COL4A4: variants seen among roughly 807,000 people sequenced by gnomAD.
COL4A4 encodes the protein collagen type IV alpha 4 chain.
In COL4A4, 105 loss-of-function variants were observed where a neutral mutation model predicts 192.9. The observed-to-expected ratio is 0.54, with a 90% CI of 0.46 to 0.64. COL4A4 has a LOEUF of 0.64. Among genes scored for constraint, COL4A4 ranks in the 30% least tolerant of loss-of-function variants. COL4A4 has a pLI of 0.00. For missense variants in COL4A4, 1,967 were observed against 2,169.3 expected, an observed-to-expected ratio of 0.91 and a Z score of 1.85; for synonymous variants, 762 against 769.9, an observed-to-expected ratio of 0.99 and a Z score of 0.17.
chr2:227,082,306 G>T, intron 22 of COL4A4, 119 bp from the exon 23 acceptor site: 3 of 978,148 alleles, frequency 3.1e-6, no homozygotes, highest in Non-Finnish European at 3.3e-6. Flanking sequence ...TTCTAGCTTG[G>T]CATTCTTGGT....
intron 19 of COL4A4, among the ~76,000 whole-genome samples, chr2:227,097,584 T>A (rs1186639754): frequency 6.6e-6 from 1 of 152,190 alleles, no homozygotes; most frequent in East Asian, 1.9e-4. Flanking sequence ...CATTTTAATA[T>A]GCTGGAGACA....
chr2:227,142,721 A>G (rs951162365), intron 3 of COL4A4, among the ~76,000 whole-genome samples: 5 of 150,998 alleles, frequency 3.3e-5, no homozygotes, highest in Non-Finnish European at 5.9e-5. Flanking sequence ...GTACCACTGC[A>G]CTCCAGCTTG....
rs1968051187 is a variant in COL4A4 at position 227,030,512 on chromosome 2, G to A, written c.3904C>T (p.Pro1302Ser). Residue 1302 changes from proline (P) to serine (S), a missense_variant, in exon 41 of 48, where the codon CCC (proline) becomes TCC (serine). Pro to Ser is a moderately conservative substitution (Grantham distance 74, BLOSUM62 -1). Transcript: ENST00000396625. ...GDCGLPGPPG[P>S]PGPPGPPGYK... The stretch of plus-strand genomic sequence containing the variant: ...CCTGGAGGGCCTGGTGGGCCAGGGG[G>A]ACCTGGTGGCCCTGGTAGACCACAG... 6.2e-7 allele frequency: 1 copy of A among 1,613,788 alleles called. No individual in the cohort carries two copies. Among genetic ancestry groups the A allele is most frequent in the South Asian group, 1.1e-5 (1 of 91,076 alleles).
chr2:226,986,963 G>T, the COL4A4 span, among the ~76,000 whole-genome samples: 2 of 152,234 alleles, frequency 1.3e-5, no homozygotes, highest in African/African-American at 4.8e-5. Flanking sequence ...TAAAGAAAAT[G>T]TGGCACATGT....
rs750114085 is a variant in COL4A4, at chr2:227,062,497, G to C, written c.2056+33C>G. On this transcript the variant is annotated intron_variant, in intron 26 of 47. Coordinates refer to ENST00000396625, the MANE Select transcript of COL4A4 (RefSeq NM_000092.5). ...GGTTTTTTTTTTTTTACTCTGGGAA[G>C]TATATAAGACAGTAACTTCTCATTG... 39 of 1,291,476 alleles carry C rather than the reference G, an allele frequency of 3.0e-5. 1 individual carries two copies. In the South Asian group the frequency reaches 4.1e-4, roughly 14 times the overall value. The allele number at this position is 1,291,476 out of a possible 1,614,324, so 80.0% of individuals were successfully genotyped here.
At chr2:227,148,050 T>G (rs1399909415) in intron 1 of COL4A4, among the ~76,000 whole-genome samples, 1 of 152,122 alleles carries the variant, frequency 6.6e-6, no homozygotes, top group African/African-American at 2.4e-5. Flanking sequence ...CATATAAAAG[T>G]ATTTTTATGT....
rs1443575965 is a variant in COL4A4, at chr2:227,031,069, G to GGATGGATGGATGGATA, written c.3818-472_3818-471insTATCCATCCATCCATC. Among the ~76,000 whole-genome samples, 780 of 151,976 alleles carry GGATGGATGGATGGATA rather than the reference G, an allele frequency of 5.1e-3. 9 individuals are homozygous for GGATGGATGGATGGATA. Among genetic ancestry groups the GGATGGATGGATGGATA allele is most frequent in the African/African-American group, 0.018 (734 of 41,416 alleles). On this transcript the variant is annotated intron_variant, in intron 40 of 47. Coordinates refer to ENST00000396625, the MANE Select transcript of COL4A4 (RefSeq NM_000092.5). ...TGGATGGATGGATGGATGGATGGAT[G>GGATGGATGGATGGATA]GATAGACTGATGGACAGATAGACAG...
intron 44 of COL4A4, among the ~76,000 whole-genome samples, chr2:227,017,786 G>A (rs1333701631): frequency 6.6e-6 from 1 of 152,146 alleles, no homozygotes; most frequent in African/African-American, 2.4e-5. Flanking sequence ...TGAAAGAAAA[G>A]ATTTTTTAAT....
intron 42 of COL4A4, 80 bp from the exon 43 acceptor site, chr2:227,025,890 G>T: frequency 7.6e-7 from 1 of 1,309,222 alleles, no homozygotes; most frequent in South Asian, 1.2e-5. Flanking sequence ...TTGTGGATTA[G>T]GACAAAAATG....
In COL4A4 at chr2:227,057,685, T is replaced by C. The variant is rs543229547; in HGVS notation, c.2384-85A>G. On this transcript the variant is annotated intron_variant, in intron 28 of 47. Coordinates refer to ENST00000396625, the MANE Select transcript of COL4A4 (RefSeq NM_000092.5). ...ATGAATTGTTCACGCATATCAATACTGGAGGTGAACATTTTCATCCTGAAT... is the reference window on the plus strand; with the variant it reads ...ATGAATTGTTCACGCATATCAATACCGGAGGTGAACATTTTCATCCTGAAT... The C allele has an allele frequency of 1.0e-5, 14 of 1,365,394 alleles. No homozygotes were observed. The East Asian group carries it at 2.8e-4, about 27-fold the overall frequency. The allele number at this position is 1,365,394 out of a possible 1,614,324, so 84.6% of individuals were successfully genotyped here.
chr2:227,050,676 C>T (rs1000390510), intron 33 of COL4A4, among the ~76,000 whole-genome samples: 3 of 152,122 alleles, frequency 2.0e-5, no homozygotes, highest in Non-Finnish European at 2.9e-5. Flanking sequence ...TTTTTCAGGA[C>T]GACTTTCATT....
intron 45 of COL4A4, among the ~76,000 whole-genome samples, 179 bp downstream of exon 45, chr2:227,012,002 A>G (rs563288149): frequency 5.9e-5 from 9 of 152,374 alleles, no homozygotes; most frequent in African/African-American, 1.9e-4. Flanking sequence ...CAGTTAGAAC[A>G]TAAGAGATGC....
intron 30 of COL4A4, among the ~76,000 whole-genome samples, chr2:227,055,062 T>A (rs1975002693): frequency 6.6e-6 from 1 of 152,142 alleles, no homozygotes; most frequent in African/African-American, 2.4e-5. Context: ...AGTGCTGGGA[T>A]TATAGGTGTG....
chr2:227,162,657 T>C (rs920941287), intron 1 of COL4A4, among the ~76,000 whole-genome samples: 4 of 152,214 alleles, frequency 2.6e-5, no homozygotes, highest in African/African-American at 9.6e-5. Flanking sequence ...CTACTAAGAA[T>C]ATATCCTAAT....
chr2:227,036,381 G>C (rs1049098750), intron 37 of COL4A4, among the ~76,000 whole-genome samples: 1 of 152,086 alleles, frequency 6.6e-6, no homozygotes, highest in African/African-American at 2.4e-5. Flanking sequence ...TTAACACATA[G>C]GGTGACCAAC....
At chr2:227,023,274 C>G (rs2149868199) in intron 43 of COL4A4, among the ~76,000 whole-genome samples, 1 of 149,020 alleles carries the variant, frequency 6.7e-6, no homozygotes, top group East Asian at 2.0e-4. Flanking sequence ...AACCCCATCT[C>G]TACTTAAAAA....
At chr2:227,034,709 C>T (rs1405760993) in intron 37 of COL4A4, among the ~76,000 whole-genome samples, 6 of 137,962 alleles carry the variant, frequency 4.3e-5, no homozygotes, top group African/African-American at 8.2e-5. Flanking sequence ...AATGCTATCC[C>T]TCCTCCCTCC....
chr2:227,147,240 G>C, intron 2 of COL4A4, 173 bp downstream of exon 2: 1 of 735,282 alleles, frequency 1.4e-6, no homozygotes, highest in East Asian at 2.6e-5. Context: ...GGAAAATTGA[G>C]AGGGTTGGTG....
At position 227,032,162 on chromosome 2, in the gene COL4A4, G is replaced by A; in HGVS notation, c.3692C>T (p.Pro1231Leu). The A allele has an allele frequency of 1.2e-6, 2 of 1,614,136 alleles. No homozygotes were observed. The highest frequency in any genetic ancestry group is 2.2e-5 in the South Asian group (2 of 91,080). Residue 1231 changes from proline to leucine, a missense_variant, in exon 39 of 48, where the codon CCC becomes CTC. Coordinates refer to ENST00000396625, the MANE Select transcript of COL4A4 (RefSeq NM_000092.5). ...SPPGPRGKKGPPGPPGSSGPP... is the reference protein window; with the variant it reads ...SPPGPRGKKGLPGPPGSSGPP... ...CTACAGCTTACCTGGGGGTCCTGGG[G>A]GACCTTTCTTTCCACGAGGACCTGG...
Sources: allele counts gnomAD v4.1 joint callset (sites outside exome capture counted in the v4.1 genomes callset), GRCh38; gene constraint gnomAD v4.1.1; transcripts MANE v1.5; gene names NCBI Gene and HGNC (gene_info 2026-07-23, HGNC 2026-07-21).